The following SLC7A10 variants were observed in gnomAD, a reference collection of about 807,000 sequenced individuals.
SLC7A10 encodes asc-type amino acid transporter 1.
A neutral mutation model predicts 52.7 loss-of-function variants in SLC7A10; 30 were observed. The observed-to-expected ratio is 0.57, with a 90% CI of 0.43 to 0.77. SLC7A10 has a LOEUF of 0.77. Among genes scored for constraint, SLC7A10 ranks in the 30% least tolerant of loss-of-function variants. SLC7A10 has a pLI of 0.00. For synonymous variants in SLC7A10, 318 were observed against 314.9 expected (o/e 1.01, Z -0.10); for missense variants, 581 against 698.5 (o/e 0.83, Z 1.90).
At position 33,209,297 on chromosome 19, in the gene SLC7A10, G is replaced by T. The variant is rs572446928; in HGVS notation, c.1441+11C>A. ...CCCCTGTGCTGGGTGACCTGCAGCTGCCCGGCTCACCTGTGAGTCTGTGCA... is the reference window on the plus strand; with the variant it reads ...CCCCTGTGCTGGGTGACCTGCAGCTTCCCGGCTCACCTGTGAGTCTGTGCA... On this transcript the variant is annotated intron_variant, in intron 10 of 10. Transcript: ENST00000253188. 6.2e-7 allele frequency: 1 copy of T among 1,613,740 alleles called. No individual in the cohort carries two copies. Among genetic ancestry groups the T allele is most frequent in the African/African-American group, 1.3e-5 (1 of 75,046 alleles).
intron 1 of SLC7A10, among the ~76,000 whole-genome samples, chr19:33,223,766 C>T (rs1974863634): frequency 6.6e-6 from 1 of 152,090 alleles, no homozygotes. Flanking sequence ...CACCCTGGCT[C>T]AGTGTTCAAG....
chr19:33,212,804 C>A, intron 3 of SLC7A10, 47 bp downstream of exon 3: 6 of 1,608,882 alleles, frequency 3.7e-6, no homozygotes, highest in Non-Finnish European at 4.2e-6. Flanking sequence ...GGATGGAGCC[C>A]GGGCAGGTGG....
Position 33,212,599 on chromosome 19 carries a change from G to A in SLC7A10, c.549C>T (p.Ala183=). ...TWVNSSSVRW[A]TRIQDMFTGG... is the part of the protein sequence containing the mutation. ...CTGTGAACATGTCCTGGATGCGCGT[G>A]GCCCAGCGCACACTGGAGCTGTTCA... Residue 183 remains alanine (A), a synonymous_variant, in exon 4 of 11, where the codon GCC becomes GCT. Coordinates refer to ENST00000253188, the MANE Select transcript of SLC7A10 (RefSeq NM_019849.3). The A allele has an allele frequency of 6.2e-7, 1 of 1,613,950 alleles. No homozygotes were observed. Among genetic ancestry groups the A allele is most frequent in the Non-Finnish European group, 8.5e-7 (1 of 1,180,052 alleles).
intron 7 of SLC7A10, 126 bp downstream of exon 7, chr19:33,211,096 GATC>G: frequency 9.8e-7 from 1 of 1,022,706 alleles, no homozygotes; most frequent in Non-Finnish European, 1.5e-6. Flanking sequence ...TACCGTGTGG[GATC>G]ATCATCCCAG....
intron 1 of SLC7A10, among the ~76,000 whole-genome samples, chr19:33,224,823 T>G (rs989708642): frequency 6.6e-6 from 1 of 152,180 alleles, no homozygotes; most frequent in Non-Finnish European, 1.5e-5. Context: ...CATGGACCCA[T>G]TCTCAGGTGG....
At chr19:33,215,630 ACCCCCCACACCTTCTCTCCATCCAC>A in intron 2 of SLC7A10, 114 bp downstream of exon 2, 12 of 288,768 alleles carry the variant, frequency 4.2e-5, no homozygotes, top group South Asian at 3.4e-4. Context: ...CTCTCCATCC[ACCCCCCACACCTTCTCTCCATCCAC>A]CCCCACGACC....
At position 33,212,390 on chromosome 19, in the gene SLC7A10, G is replaced by A. The variant is rs764958170; in HGVS notation, c.690C>T (p.Ser230=). 79 of 1,613,750 alleles carry A rather than the reference G, an allele frequency of 4.9e-5. No homozygotes were observed. The highest frequency in any genetic ancestry group is 5.8e-5 in the Non-Finnish European group (69 of 1,180,054). ...SNAFAFWMTP[S]VGHLALAFLQ... is the part of the protein sequence containing the mutation. ...GGAAGGCCAGGGCCAGGTGTCCCAC[G>A]GAGGGCGTCATCCAGAAAGCAAAGG... Residue 230 remains serine (S), a synonymous_variant, in exon 5 of 11, where the codon TCC becomes TCT. Transcript: ENST00000253188.
Position 33,216,037 on chromosome 19 carries a change from TG to T in SLC7A10, c.152-65del. The T allele has an allele frequency of 2.1e-6, 3 of 1,406,138 alleles. No individual in the cohort carries two copies. The South Asian group carries it at 4.3e-5, about 20-fold the overall frequency. The allele number at this position is 1,406,138 out of a possible 1,614,324, so 87.1% of individuals were successfully genotyped here. A position where few individuals can be genotyped will look rare whatever the true frequency, so the allele number is the denominator to read the frequency against. ...CCCCTTCGCAGCCCGGCCTTCTGTG[TG>T]GGGATCTGCCTGCTGCCAGGAGGAA... On this transcript the variant is annotated intron_variant, in intron 1 of 10. Coordinates refer to ENST00000253188, the MANE Select transcript of SLC7A10 (RefSeq NM_019849.3).
rs767075184 is a variant in SLC7A10 at position 33,210,768 on chromosome 19, C to G, written c.1113+34G>C. 6.2e-7 allele frequency: 1 copy of G among 1,611,688 alleles called. No individual in the cohort carries two copies. Among genetic ancestry groups the G allele is most frequent in the Non-Finnish European group, 8.5e-7 (1 of 1,178,722 alleles). ...CCTGCATTGCCGGGTAGCCCTGCCT[C>G]CACGCCCTGCCTGGCCCAGGTCCCC... is the stretch of plus-strand genomic sequence containing the variant. On this transcript the variant is annotated intron_variant, in intron 8 of 10. Transcript: ENST00000253188. This position sits in a 1 kb window ranked among gnomAD's most constrained non-coding sequence, Gnocchi z 5.6.
intron 10 of SLC7A10, 54 bp from the exon 11 acceptor site, chr19:33,209,075 C>T (rs1271037283): frequency 6.2e-7 from 1 of 1,609,460 alleles, no homozygotes; most frequent in South Asian, 1.1e-5. Context: ...AGGGGTGACC[C>T]CCAGCTCCGG....
chr19:33,217,553 C>G (rs1599954429), intron 1 of SLC7A10, among the ~76,000 whole-genome samples: 1 of 150,342 alleles, frequency 6.7e-6, no homozygotes, highest in South Asian at 2.1e-4. Flanking sequence ...TATGAACAAA[C>G]AGCCCTGGTA....
At position 33,211,404 on chromosome 19, in the gene SLC7A10, GC is replaced by G; in HGVS notation, c.912+9del. Reference sequence around the variant, plus strand: ...GGCAGGAGCCAGGGACCGAGCAGGGGCCCACTCACCACAGCCACCGCATTGG... The same window carrying G: ...GGCAGGAGCCAGGGACCGAGCAGGGGCCACTCACCACAGCCACCGCATTGG... On this transcript the variant is annotated intron_variant, in intron 6 of 10. Transcript: ENST00000253188. The G allele has an allele frequency of 6.2e-7, 1 of 1,613,778 alleles. No homozygotes were observed. Among genetic ancestry groups the G allele is most frequent in the Non-Finnish European group, 8.5e-7 (1 of 1,179,894 alleles).
rs1185710876 is a variant in SLC7A10, at chr19:33,215,764, C to G, written c.356+5G>C. 1 of 1,553,518 alleles carries G rather than the reference C, an allele frequency of 6.4e-7. No homozygotes were observed. The highest frequency in any genetic ancestry group is 2.0e-5 in the Admixed American group (1 of 51,252). On this transcript the variant is annotated splice_donor_5th_base_variant and intron_variant, in intron 2 of 10. Coordinates refer to ENST00000253188, the MANE Select transcript of SLC7A10 (RefSeq NM_019849.3). ...TCCCCCTGCCCGCTGGTGCCCCACA[C>G]TCACCCAGCCAGGCCCCCGAAGATC...
intron 2 of SLC7A10, among the ~76,000 whole-genome samples, chr19:33,213,415 A>G (rs1197407789): frequency 1.3e-5 from 2 of 151,682 alleles, no homozygotes; most frequent in African/African-American, 4.8e-5. Flanking sequence ...CAGTCTCCCA[A>G]GTAGCTGGGA....
Position 33,215,920 on chromosome 19 carries a change from A to T in SLC7A10, c.205T>A (p.Ser69Thr), listed in dbSNP as rs1358337888. The change falls in exon 2 of 11, where the codon TCA becomes ACA. Residue 69 changes from serine (S) to threonine (T), a missense_variant. Transcript: ENST00000253188. ...FISPKGVLEH[S>T]GSVGLALFVW... Reference sequence around the variant, plus strand: ...AACAGGGCCAGACCCACGGAGCCTGAGTGCTCCAGGACCCCCTTGGGCGAG... The same window carrying T: ...AACAGGGCCAGACCCACGGAGCCTGTGTGCTCCAGGACCCCCTTGGGCGAG... 27 of 1,610,034 alleles carry T rather than the reference A, an allele frequency of 1.7e-5. No homozygotes were observed. The highest frequency in any genetic ancestry group is 2.3e-5 in the Non-Finnish European group (27 of 1,178,306).
At chr19:33,218,976 G>A (rs556576728) in intron 1 of SLC7A10, among the ~76,000 whole-genome samples, 2 of 152,096 alleles carry the variant, frequency 1.3e-5, no homozygotes, top group East Asian at 3.9e-4. Flanking sequence ...ACCTGGTTTA[G>A]AGGGGCAGGA....
chr19:33,212,175 C>G, intron 5 of SLC7A10, 117 bp downstream of exon 5: 1 of 1,438,476 alleles, frequency 7.0e-7, no homozygotes, highest in Non-Finnish European at 9.5e-7. Context: ...GGGCAACAGG[C>G]GTGGGCCACC....
At chr19:33,215,267 CAAAA>C (rs56214783) in intron 2 of SLC7A10, among the ~76,000 whole-genome samples, 9,221 of 115,460 alleles carry the variant, frequency 0.08, 424 homozygotes, top group African/African-American at 0.17. Context: ...GACTCTGTCT[CAAAA>C]AAAAAAAAAA....
At position 33,211,492 on chromosome 19, in the gene SLC7A10, G is replaced by A. The variant is rs746385601; in HGVS notation, c.834C>T (p.Phe278=). ...AGGCAATGTTGGTGAACGTGTACAC[G>A]AAGGTCACCAGTGGGATGGAGATGA... The part of the protein sequence containing the change: ...AIFISIPLVT[F]VYTFTNIAYF... Residue 278 remains phenylalanine, a synonymous_variant, in exon 6 of 11, where the codon TTC becomes TTT. Transcript: ENST00000253188. 1.4e-5 allele frequency: 22 copies of A among 1,613,964 alleles called. No homozygotes were observed. The Admixed American group carries it at 2.3e-4, about 17-fold the overall frequency.
Sources: allele counts gnomAD v4.1 joint callset (sites outside exome capture counted in the v4.1 genomes callset), GRCh38; gene constraint gnomAD v4.1.1; non-coding constraint Gnocchi (gnomAD v3.1); transcripts MANE v1.5; gene names NCBI Gene and HGNC (gene_info 2026-07-23, HGNC 2026-07-21).